The following SYT2 variants were observed in gnomAD, a reference collection of about 807,000 sequenced individuals.
SYT2 encodes synaptotagmin 2, also known as synaptotagmin-2.
SYT2 carries 15 observed loss-of-function variants against 39.9 expected under a neutral mutation model. The ratio of observed to expected loss-of-function variants is 0.38; its 90% confidence interval spans 0.25 to 0.58. SYT2 has a LOEUF of 0.58. Ranked by LOEUF, SYT2 falls within the 20% of genes least tolerant of loss-of-function variation. The pLI is 0.70. For synonymous variants in SYT2, 181 were observed against 204.5 expected (o/e 0.89, Z 0.98); for missense variants, 389 against 530.3 (o/e 0.73, Z 2.62).
chr1:202,659,676 AC>A (rs376908168), intron 1 of SYT2, among the ~76,000 whole-genome samples: 2 of 152,210 alleles, frequency 1.3e-5, no homozygotes, highest in Middle Eastern at 3.4e-3. Flanking sequence ...TCTCCCCATG[AC>A]CTGGAGGGGC....
At chr1:202,667,662 T>C (rs1402117974) in intron 1 of SYT2, among the ~76,000 whole-genome samples, 4 of 152,200 alleles carry the variant, frequency 2.6e-5, no homozygotes, top group Non-Finnish European at 5.9e-5. Flanking sequence ...AGTAATGGAC[T>C]GAGCCCACAG....
At chr1:202,638,778 C>T (rs1448673473) in intron 1 of SYT2, among the ~76,000 whole-genome samples, 3 of 152,228 alleles carry the variant, frequency 2.0e-5, no homozygotes, top group Non-Finnish European at 4.4e-5. Context: ...CGCCCCATCC[C>T]AAGTCAGACT....
At chr1:202,670,392 C>T (rs1048457342) in intron 1 of SYT2, among the ~76,000 whole-genome samples, 1 of 152,142 alleles carries the variant, frequency 6.6e-6, no homozygotes, top group Non-Finnish European at 1.5e-5. Context: ...CTTTGGTGCC[C>T]AGGGAGCTAC....
chr1:202,709,061 G>T (rs1166892237), intron 1 of SYT2, among the ~76,000 whole-genome samples: 1 of 151,384 alleles, frequency 6.6e-6, no homozygotes, highest in African/African-American at 2.4e-5. Flanking sequence ...TGCTTTCCAG[G>T]TCAGACCCCA....
chr1:202,666,637 T>C (rs1237026782), intron 1 of SYT2, among the ~76,000 whole-genome samples: 2 of 152,178 alleles, frequency 1.3e-5, no homozygotes, highest in African/African-American at 2.4e-5. Context: ...GTGCTTACCA[T>C]GGTGAGTCAG....
At chr1:202,705,874 G>A (rs1654236502) in intron 1 of SYT2, among the ~76,000 whole-genome samples, 2 of 151,964 alleles carry the variant, frequency 1.3e-5, no homozygotes, top group Admixed American at 6.6e-5. Context: ...TAAATTTTTT[G>A]TAGAGACAGG....
At chr1:202,662,474 CAT>C (rs1345721705) in intron 1 of SYT2, among the ~76,000 whole-genome samples, 21 of 152,272 alleles carry the variant, frequency 1.4e-4, no homozygotes, top group Non-Finnish European at 2.9e-5. Context: ...AGGGCTCCTC[CAT>C]AGTCTACCTG....
At chr1:202,633,250 T>C (rs1445394212) in intron 1 of SYT2, among the ~76,000 whole-genome samples, 4 of 152,006 alleles carry the variant, frequency 2.6e-5, no homozygotes, top group Non-Finnish European at 5.9e-5. Context: ...CCCAGCTCTT[T>C]CCCATAAGTG....
In SYT2 at chr1:202,596,822, T is replaced by C. The variant is rs1558420013; in HGVS notation, c.1195A>G (p.Ile399Val). 6.2e-7 allele frequency: 1 copy of C among 1,614,154 alleles called. No individual in the cohort carries two copies. Among genetic ancestry groups the C allele is most frequent in the South Asian group, 1.1e-5 (1 of 91,080 alleles). Residue 399 changes from isoleucine to valine, a missense_variant, in exon 9 of 9, where the codon ATC becomes GTC. By Grantham distance (29) the Ile-to-Val change is conservative (BLOSUM62 3). Transcript: ENST00000367268. ...SDMLANPRRP[I>V]AQWHSLKPEE... ...GGCTTGAGCGAGTGCCACTGGGCGA[T>C]GGGCCTCCGGGGGTTGGCCAGCATG...
intron 1 of SYT2, among the ~76,000 whole-genome samples, chr1:202,669,626 G>A (rs1417030238): frequency 6.6e-6 from 1 of 151,834 alleles, no homozygotes; most frequent in East Asian, 1.9e-4. Flanking sequence ...GGGCCTAGTG[G>A]TGGACGCCTG....
At chr1:202,673,313 A>T (rs1486978247) in intron 1 of SYT2, among the ~76,000 whole-genome samples, 1 of 152,232 alleles carries the variant, frequency 6.6e-6, no homozygotes, top group Non-Finnish European at 1.5e-5. Flanking sequence ...GGAACATGTA[A>T]GTTAAAAGGT....
chr1:202,704,045 A>T (rs1032097870), intron 1 of SYT2, among the ~76,000 whole-genome samples: 3 of 151,678 alleles, frequency 2.0e-5, no homozygotes, highest in Admixed American at 2.0e-4. Flanking sequence ...AGCTTTCCTG[A>T]CTCCCCACCC....
At chr1:202,639,050 A>AT (rs1269436767) in intron 1 of SYT2, among the ~76,000 whole-genome samples, 2 of 152,048 alleles carry the variant, frequency 1.3e-5, no homozygotes, top group African/African-American at 4.8e-5. Context: ...ATCTGGGATT[A>AT]TTTTTTTCAC....
At chr1:202,675,982 G>A (rs1354270353) in intron 1 of SYT2, among the ~76,000 whole-genome samples, 1 of 152,152 alleles carries the variant, frequency 6.6e-6, no homozygotes, top group Non-Finnish European at 1.5e-5. Flanking sequence ...TTACAGATGA[G>A]GAAACTGATA....
intron 1 of SYT2, chr1:202,627,506 G>A (rs1395471499): frequency 1.0e-6 from 1 of 985,194 alleles, no homozygotes; most frequent in Non-Finnish European, 1.2e-6. Context: ...GGTCATGGGT[G>A]GGGTGTGGAC....
chr1:202,606,593 C>T (rs1690717123), intron 1 of SYT2, among the ~76,000 whole-genome samples: 1 of 152,150 alleles, frequency 6.6e-6, no homozygotes, highest in Non-Finnish European at 1.5e-5. Context: ...TTTGACCTCT[C>T]CTGTAGGAAG....
chr1:202,672,778 G>A (rs12064289), intron 1 of SYT2, among the ~76,000 whole-genome samples: 3 of 25,946 alleles, frequency 1.2e-4, no homozygotes, highest in East Asian at 5.1e-3. Context: ...AGGGAGGGAG[G>A]GAGAGAGAGA....
intron 1 of SYT2, among the ~76,000 whole-genome samples, chr1:202,668,627 T>C (rs1334965565): frequency 6.6e-6 from 1 of 152,212 alleles, no homozygotes; most frequent in Non-Finnish European, 1.5e-5. Flanking sequence ...TGCATTATGC[T>C]ACCTAGGAGA....
chr1:202,604,534 C>T lies in SYT2; in HGVS notation c.266G>A (p.Cys89Tyr), dbSNP rs777807547. 1 of 1,614,204 alleles carries T rather than the reference C, an allele frequency of 6.2e-7. No individual in the cohort carries two copies. The highest frequency in any genetic ancestry group is 2.2e-5 in the East Asian group (1 of 44,884). The part of the protein sequence containing the change: ...CCFCICKKCC[C>Y]KKKKNKKEKG... ...CTCCTTCTTGTTCTTCTTCTTCTTGCAGCAGCATTTCTTGCAGATGCAGAA... is the reference window on the plus strand; with the variant it reads ...CTCCTTCTTGTTCTTCTTCTTCTTGTAGCAGCATTTCTTGCAGATGCAGAA... Residue 89 changes from cysteine (C) to tyrosine (Y), a missense_variant, in exon 3 of 9, where the codon TGC becomes TAC. By Grantham distance (194) the Cys-to-Tyr change is radical (BLOSUM62 -2). Coordinates refer to ENST00000367268, the MANE Select transcript of SYT2 (RefSeq NM_177402.5).
Sources: allele counts gnomAD v4.1 joint callset (sites outside exome capture counted in the v4.1 genomes callset), GRCh38; gene constraint gnomAD v4.1.1; transcripts MANE v1.5; gene names NCBI Gene and HGNC (gene_info 2026-07-23, HGNC 2026-07-21).